The following KDM4B variants were observed in gnomAD, a reference collection of about 807,000 sequenced individuals.
KDM4B encodes lysine demethylase 4B.
Under a neutral mutation model 125.2 loss-of-function variants are expected in KDM4B, and 32 were observed. The ratio of observed to expected loss-of-function variants is 0.26; its 90% CI spans 0.19 to 0.34. The LOEUF (loss-of-function observed/expected upper bound fraction) is 0.34, where lower values mean the gene tolerates loss of function less well. KDM4B is among the 10% of genes least tolerant of loss of function. The probability of loss-of-function intolerance (pLI) is 1.00; values close to 1 mark genes in which losing one functional copy is unlikely to be tolerated. For synonymous variants in KDM4B, 721 were observed against 677.9 expected (o/e 1.06, Z -0.99); for missense variants, 1,190 against 1,577.7 (o/e 0.75, Z 4.16).
intron 1 of KDM4B, among the ~76,000 whole-genome samples, chr19:4,989,335 TTTTG>T (rs999258942): frequency 5.3e-5 from 8 of 152,154 alleles, no homozygotes; most frequent in African/African-American, 9.7e-5. Flanking sequence ...CTTTGTTTTT[TTTTG>T]TTTGTTTGTT....
Position 5,144,324 on chromosome 19 carries a change from G to A in KDM4B, c.2813G>A (p.Arg938His), listed in dbSNP as rs745456642. 25 of 1,581,834 alleles carry A rather than the reference G, an allele frequency of 1.6e-5. No homozygotes were observed. The highest frequency in any genetic ancestry group is 5.3e-5 in the Admixed American group (3 of 56,212). The change falls in exon 20 of 23, where the codon CGC (arginine) becomes CAC (histidine). Residue 938 changes from arginine to histidine, a missense_variant. By Grantham distance (29) the Arg-to-His change is conservative (BLOSUM62 0). This residue lies in a region of KDM4B where 298 missense variants were observed against 439.7 expected (regional missense o/e 0.68). Coordinates refer to ENST00000159111, the MANE Select transcript of KDM4B (RefSeq NM_015015.3). ...KNRNGLYYRCRVIGAASQTCY... is the reference protein window; with the variant it reads ...KNRNGLYYRCHVIGAASQTCY... ...CGCAACGGGCTGTACTACCGCTGTC[G>A]CGTCATCGGTGCCGCCTCGCAGACC...
At chr19:5,097,177 A>G (rs148722251) in intron 9 of KDM4B, among the ~76,000 whole-genome samples, 1,872 of 152,320 alleles carry the variant, frequency 0.012, 37 homozygotes, top group African/African-American at 0.044. Context: ...CACCGTACAC[A>G]GGATTCTTAA....
At chr19:4,996,555 T>C (rs982692413) in intron 1 of KDM4B, among the ~76,000 whole-genome samples, 28 of 151,858 alleles carry the variant, frequency 1.8e-4, no homozygotes, top group Non-Finnish European at 8.8e-5. Flanking sequence ...TTTTTTTTTT[T>C]AGTAGTGACG....
At chr19:5,110,964 C>T (rs547890349) in intron 10 of KDM4B, 146 bp downstream of exon 10, 11 of 645,122 alleles carry the variant, frequency 1.7e-5, no homozygotes, top group East Asian at 2.8e-5. Flanking sequence ...CCTCCTCTTT[C>T]GTCCTCCTCC....
chr19:5,123,085 G>T (rs777376785), intron 11 of KDM4B, among the ~76,000 whole-genome samples: 1 of 152,242 alleles, frequency 6.6e-6, no homozygotes, highest in Admixed American at 6.5e-5. Context: ...AACCTCCATC[G>T]ATGGAGAGGG....
At chr19:5,000,895 G>A (rs1365991358) in intron 1 of KDM4B, among the ~76,000 whole-genome samples, 1 of 152,160 alleles carries the variant, frequency 6.6e-6, no homozygotes, top group Non-Finnish European at 1.5e-5. Flanking sequence ...GCACAAAAAG[G>A]CATGGGCGGA....
Position 5,082,126 on chromosome 19 carries a change from C to G in KDM4B, c.781-241C>G, listed in dbSNP as rs911882701. 6.6e-6 allele frequency among the ~76,000 whole-genome samples: 1 copy of G among 152,208 alleles called. No individual in the cohort carries two copies. Among genetic ancestry groups the G allele is most frequent in the Non-Finnish European group, 1.5e-5 (1 of 68,030 alleles). On this transcript the variant is annotated intron_variant, in intron 8 of 22. Transcript: ENST00000159111. The surrounding 1 kb of genome is among the most constrained non-coding windows in gnomAD (Gnocchi z 5.4). ...AGGGGCTGCTGGGGCTGGAGGGGCC[C>G]GGCTGAGCCGAGTGGAGGTTGCAGA...
At position 5,141,843 on chromosome 19, in the gene KDM4B, T is replaced by G. The variant is rs1196899667; in HGVS notation, c.2551-2124T>G. 1.3e-5 allele frequency among the ~76,000 whole-genome samples: 2 copies of G among 151,290 alleles called. No homozygotes were observed. The highest frequency in any genetic ancestry group is 4.9e-5 in the African/African-American group (2 of 41,104). ...GGAGCTCCCTGGAGGATCTGGGAGGTCTGGGAGGGGCTTGGGATGGGGGGA... is the reference window on the plus strand; with the variant it reads ...GGAGCTCCCTGGAGGATCTGGGAGGGCTGGGAGGGGCTTGGGATGGGGGGA... On this transcript the variant is annotated intron_variant, in intron 18 of 22. Coordinates refer to ENST00000159111, the MANE Select transcript of KDM4B (RefSeq NM_015015.3). The surrounding 1 kb of genome is among the most constrained non-coding windows in gnomAD (Gnocchi z 6.4).
rs2039122135 is a variant in KDM4B, at chr19:5,110,610, C to T, written c.919-12C>T. ...TGTGGCGCGAGGGCTCAGACCGTGT[C>T]CCCTGCCGCAGTGCACGTGCCGGAA... On this transcript the variant is annotated splice_polypyrimidine_tract_variant and intron_variant, in intron 9 of 22. Coordinates refer to ENST00000159111, the MANE Select transcript of KDM4B (RefSeq NM_015015.3). 6.2e-7 allele frequency: 1 copy of T among 1,612,536 alleles called. No homozygotes were observed. Among genetic ancestry groups the T allele is most frequent in the Admixed American group, 1.7e-5 (1 of 59,994 alleles).
chr19:4,998,093 G>A (rs551702870), intron 1 of KDM4B, among the ~76,000 whole-genome samples: 2 of 152,350 alleles, frequency 1.3e-5, no homozygotes, highest in East Asian at 1.9e-4. Context: ...GTGGGAGCCT[G>A]CTTGGGGGCC....
intron 5 of KDM4B, 126 bp downstream of exon 5, chr19:5,041,377 A>G: frequency 4.6e-6 from 3 of 657,194 alleles, no homozygotes; most frequent in Non-Finnish European, 7.8e-6. Context: ...CCCCTCGCCC[A>G]GGCTCTGGAT....
chr19:5,039,767 G>A, intron 3 of KDM4B, 69 bp from the exon 4 acceptor site: 2 of 1,541,078 alleles, frequency 1.3e-6, no homozygotes, highest in Non-Finnish European at 8.9e-7. Context: ...GGAGCCGGTG[G>A]CACAGTCTGC....
rs79126151 is a variant in KDM4B at position 5,011,337 on chromosome 19, C to A, written c.-108-4920C>A. 7.6e-3 allele frequency among the ~76,000 whole-genome samples: 1,152 copies of A among 152,308 alleles called. 12 individuals are homozygous for A. Among genetic ancestry groups the A allele is most frequent in the African/African-American group, 0.027 (1,107 of 41,560 alleles). Reference sequence around the variant, plus strand: ...CAGGGCTTGGAAGTAGGAACGCTAACCCATGTGTATATGCACACCTGTATC... The same window carrying A: ...CAGGGCTTGGAAGTAGGAACGCTAAACCATGTGTATATGCACACCTGTATC... On this transcript the variant is annotated intron_variant, in intron 1 of 22. Coordinates refer to ENST00000159111, the MANE Select transcript of KDM4B (RefSeq NM_015015.3).
At chr19:4,989,958 T>G (rs1243104800) in intron 1 of KDM4B, among the ~76,000 whole-genome samples, 3 of 152,198 alleles carry the variant, frequency 2.0e-5, no homozygotes, top group Non-Finnish European at 4.4e-5. Context: ...TGACTCAGTC[T>G]TCCTTTTCAT....
In KDM4B at chr19:5,071,046, G is replaced by A. The variant is rs913224309; in HGVS notation, c.663G>A (p.Glu221=). The A allele has an allele frequency of 5.6e-6, 9 of 1,613,236 alleles. No individual in the cohort carries two copies. The highest frequency in any genetic ancestry group is 6.8e-6 in the Non-Finnish European group (8 of 1,179,958). The change falls in exon 7 of 23, where the codon GAG becomes GAA. Residue 221 remains glutamate, a synonymous_variant. Transcript: ENST00000159111. ...AIPPEHGKRL[E]RLAIGFFPGS... is the part of the protein sequence containing the mutation. ...CACCAGAGCACGGCAAGCGCCTGGA[G>A]CGGCTGGCCATCGGTAGGTGCCTGC...
In KDM4B at chr19:5,139,857, G is replaced by A. The variant is rs573884615; in HGVS notation, c.2550+1787G>A. Among the ~76,000 whole-genome samples, 110 of 152,392 alleles carry A rather than the reference G, an allele frequency of 7.2e-4. 1 individual carries two copies. The Middle Eastern group carries it at 0.014, about 19-fold the overall frequency. The stretch of plus-strand genomic sequence containing the variant: ...CCGTAGATGCGCGCAGCCACCTTGG[G>A]CGTAGCGGGGCCTCATCGTGGGGGC... On this transcript the variant is annotated intron_variant, in intron 18 of 22. Coordinates refer to ENST00000159111, the MANE Select transcript of KDM4B (RefSeq NM_015015.3).
intron 21 of KDM4B, among the ~76,000 whole-genome samples, chr19:5,148,615 C>T (rs536795690): frequency 3.3e-4 from 50 of 152,312 alleles, no homozygotes; most frequent in African/African-American, 1.2e-3. Flanking sequence ...CCTGGGACTC[C>T]TGCAGTGGGA....
chr19:5,120,687 A>G (rs550500429), intron 11 of KDM4B, among the ~76,000 whole-genome samples: 1 of 152,270 alleles, frequency 6.6e-6, no homozygotes, highest in East Asian at 1.9e-4. Flanking sequence ...ACTGGGTTTT[A>G]TCTTCTCAGT....
intron 1 of KDM4B, among the ~76,000 whole-genome samples, chr19:4,982,138 A>G (rs1355273611): frequency 6.6e-6 from 1 of 152,078 alleles, no homozygotes; most frequent in African/African-American, 2.4e-5. Context: ...TAAAAAATAC[A>G]CAAAATTAGC....
Sources: gnomAD v4.1 joint callset for allele counts (sites outside exome capture counted in the v4.1 genomes callset) on GRCh38, gnomAD v4.1.1 for gene constraint, gnomAD v4.1.1 regional missense constraint, Gnocchi (gnomAD v3.1) non-coding constraint, MANE v1.5 for transcripts, NCBI Gene and HGNC (gene_info 2026-07-23, HGNC 2026-07-21) for gene names.